The following PRH1 variants were observed in gnomAD, a reference collection of about 807,000 sequenced individuals.
PRH1 encodes the protein salivary acidic proline-rich phosphoprotein 1/2.
PRH1 carries 7 observed loss-of-function variants against 7.9 expected under a neutral mutation model. The ratio of observed to expected loss-of-function variants is 0.89; its 90% CI spans 0.50 to 1.67. The LOEUF (loss-of-function observed/expected upper bound fraction) is 1.67, where lower values mean the gene tolerates loss of function less well. Among genes scored for constraint, PRH1 ranks in the 40% most tolerant of loss-of-function variants. The probability of loss-of-function intolerance (pLI) is 0.00; values close to 1 mark genes in which losing one functional copy is unlikely to be tolerated. For synonymous variants in PRH1, 45 were observed against 80.8 expected (o/e 0.56, Z 2.38); for missense variants, 109 against 223.6 (o/e 0.49, Z 3.27).
At chr12:11,020,291 A>G (rs1355034066) in intron 1 of PRH1, among the ~76,000 whole-genome samples, 2 of 151,902 alleles carry the variant, frequency 1.3e-5, no homozygotes, top group Admixed American at 1.3e-4. Flanking sequence ...CTGTGAGTCA[A>G]GAGAAAGCGA....
intron 1 of PRH1, among the ~76,000 whole-genome samples, chr12:11,054,676 C>G (rs759974863): frequency 2.6e-5 from 4 of 151,624 alleles, no homozygotes; most frequent in African/African-American, 4.9e-5. Flanking sequence ...ATCTATATTA[C>G]TATAATTTAT....
At chr12:11,099,348 A>G (rs1177534131) in intron 1 of PRH1, among the ~76,000 whole-genome samples, 2 of 150,444 alleles carry the variant, frequency 1.3e-5, no homozygotes, top group African/African-American at 4.8e-5. Flanking sequence ...CCTGATCCAG[A>G]CTAAATTGGC....
chr12:10,977,681 C>T (rs1939167460), intron 1 of PRH1, among the ~76,000 whole-genome samples: 1 of 152,122 alleles, frequency 6.6e-6, no homozygotes, highest in African/African-American at 2.4e-5. Context: ...CCCAAAATCT[C>T]CTTGATCTTA....
intron 2 of PRH1, among the ~76,000 whole-genome samples, chr12:10,904,602 C>G (rs1445921916): frequency 6.6e-6 from 1 of 152,092 alleles, no homozygotes; most frequent in Non-Finnish European, 1.5e-5. Flanking sequence ...AAACACCATT[C>G]TAAACATTGG....
chr12:11,005,602 G>A (rs898441419), intron 1 of PRH1, among the ~76,000 whole-genome samples: 3 of 152,018 alleles, frequency 2.0e-5, no homozygotes, highest in Non-Finnish European at 2.9e-5. Flanking sequence ...GTTTGTATAA[G>A]TCTATTGTTA....
At chr12:11,030,470 G>A in intron 1 of PRH1, 4 of 1,614,268 alleles carry the variant, frequency 2.5e-6, no homozygotes, top group Non-Finnish European at 3.4e-6. Context: ...TGAAAGAAAA[G>A]TCTGCTTTAG....
At chr12:11,067,535 C>A (rs1207665507) in intron 1 of PRH1, among the ~76,000 whole-genome samples, 2 of 152,164 alleles carry the variant, frequency 1.3e-5, no homozygotes, top group Non-Finnish European at 2.9e-5. Context: ...ACAGTTCTTG[C>A]TTATGTCTTC....
intron 1 of PRH1, among the ~76,000 whole-genome samples, chr12:11,115,394 T>C (rs559996958): frequency 2.0e-5 from 3 of 150,222 alleles, no homozygotes; most frequent in East Asian, 3.9e-4. Flanking sequence ...CACCCAGATA[T>C]ATAAAGCAAA....
chr12:10,890,040 C>T (rs539504870), intron 2 of PRH1, among the ~76,000 whole-genome samples: 3 of 152,066 alleles, frequency 2.0e-5, no homozygotes, highest in South Asian at 2.1e-4. Context: ...GAGAAATGGT[C>T]GATTTTTTGT....
In PRH1 at chr12:11,107,343, G is replaced by A. The variant is rs376860450; in HGVS notation, n.124-60155C>T. On this transcript the variant is annotated intron_variant and non_coding_transcript_variant, in intron 1 of 4. Transcript: ENST00000541977. ...GGCAGAATGCACAAGGTTCAGAAAAGCATGATACCTTCTGCTACAATTAAG... is the reference window on the plus strand; with the variant it reads ...GGCAGAATGCACAAGGTTCAGAAAAACATGATACCTTCTGCTACAATTAAG... Among the ~76,000 whole-genome samples, 10 of 152,236 alleles carry A rather than the reference G, an allele frequency of 6.6e-5. No homozygotes were observed. In the East Asian group the frequency reaches 7.7e-4, roughly 12 times the overall value.
At chr12:11,081,758 T>A (rs1944507566) in intron 1 of PRH1, among the ~76,000 whole-genome samples, 1 of 116,278 alleles carries the variant, frequency 8.6e-6, no homozygotes, top group South Asian at 2.3e-4. Context: ...GTTGTAGAAA[T>A]GGGGCTCTGT....
chr12:11,005,078 C>T (rs1940766403), intron 1 of PRH1, among the ~76,000 whole-genome samples: 1 of 152,208 alleles, frequency 6.6e-6, no homozygotes, highest in East Asian at 1.9e-4. Flanking sequence ...TGCATTAACG[C>T]TCTTGTTCTT....
chr12:10,946,808 T>C (rs574263831), intron 2 of PRH1, among the ~76,000 whole-genome samples: 52 of 150,894 alleles, frequency 3.4e-4, no homozygotes, highest in Non-Finnish European at 6.6e-4. Flanking sequence ...ACTGCCTTAG[T>C]TGTGTCTCAG....
intron 1 of PRH1, chr12:11,062,297 C>G: frequency 6.3e-7 from 1 of 1,599,222 alleles, no homozygotes; most frequent in Non-Finnish European, 8.5e-7. Flanking sequence ...GTTATCATGT[C>G]TGAACAGACA....
At chr12:11,114,080 T>C (rs1463142128) in intron 1 of PRH1, among the ~76,000 whole-genome samples, 1 of 152,072 alleles carries the variant, frequency 6.6e-6, no homozygotes, top group Non-Finnish European at 1.5e-5. Flanking sequence ...GTTCAACCAT[T>C]GGGGAAAACA....
At chr12:10,913,476 T>C (rs913642025) in intron 2 of PRH1, among the ~76,000 whole-genome samples, 3 of 152,088 alleles carry the variant, frequency 2.0e-5, no homozygotes. Context: ...ATCTATTTAG[T>C]ATATATTAAA....
chr12:10,967,427 A>T (rs760351059), intron 2 of PRH1, among the ~76,000 whole-genome samples: 7 of 152,196 alleles, frequency 4.6e-5, no homozygotes, highest in Non-Finnish European at 1.5e-5. Context: ...GTAACCATCA[A>T]ATAAGGCAAG....
chr12:10,944,213 G>A lies in PRH1; in HGVS notation c.-59+29442C>T, dbSNP rs550851572. ...ATTGATTCTTTGTATCCATGAACAT[G>A]GGATGTTTTCCCATTTGTTTGTGTC... On this transcript the variant is annotated intron_variant, in intron 2 of 3. Transcript: ENST00000539853. 1.1e-3 allele frequency among the ~76,000 whole-genome samples: 169 copies of A among 152,208 alleles called. 1 individual carries two copies. Among genetic ancestry groups the A allele is most frequent in the South Asian group, 3.9e-3 (19 of 4,816 alleles).
At chr12:11,111,486 G>A (rs1307457573) in intron 1 of PRH1, among the ~76,000 whole-genome samples, 1 of 152,164 alleles carries the variant, frequency 6.6e-6, no homozygotes, top group Non-Finnish European at 1.5e-5. Flanking sequence ...TTAGAACTCA[G>A]GATTCAGAAA....
Sources: gnomAD v4.1 joint callset for allele counts (sites outside exome capture counted in the v4.1 genomes callset) on GRCh38, gnomAD v4.1.1 for gene constraint, MANE v1.5 for transcripts, NCBI Gene and HGNC (gene_info 2026-07-23, HGNC 2026-07-21) for gene names.